The following QKI variants were observed in gnomAD, a reference collection of about 807,000 sequenced individuals.
QKI encodes the protein QKI, KH domain containing RNA binding.
Under a neutral mutation model 39.0 loss-of-function variants are expected in QKI, and 10 were observed. The ratio of observed to expected loss-of-function variants is 0.26; its 90% confidence interval spans 0.16 to 0.43. The LOEUF (loss-of-function observed/expected upper bound fraction) is 0.43, where lower values mean the gene tolerates loss of function less well. Among genes scored for constraint, QKI ranks in the 20% least tolerant of loss-of-function variants. The pLI is 1.00. For missense variants in QKI, 218 were observed against 428.0 expected (o/e 0.51, Z 4.33); for synonymous variants, 204 against 155.4 (o/e 1.31, Z -2.33).
intron 3 of QKI, among the ~76,000 whole-genome samples, chr6:163,530,128 A>G (rs1184172515): frequency 6.6e-6 from 1 of 152,246 alleles, no homozygotes; most frequent in Non-Finnish European, 1.5e-5. Context: ...AACAGACATT[A>G]TAGTAGTCAT....
chr6:163,484,137 T>G (rs1793291237), intron 3 of QKI, among the ~76,000 whole-genome samples: 1 of 152,150 alleles, frequency 6.6e-6, no homozygotes, highest in Non-Finnish European at 1.5e-5. Flanking sequence ...TCAATAAACC[T>G]TTCTCTGCTG....
At chr6:163,474,632 A>G (rs145006201) in intron 2 of QKI, among the ~76,000 whole-genome samples, 77 of 152,138 alleles carry the variant, frequency 5.1e-4, no homozygotes, top group Admixed American at 1.0e-3. Flanking sequence ...AAAAAGCTCT[A>G]CATTTTTGAG....
In QKI at chr6:163,434,575, C is replaced by T. The variant is rs145649861; in HGVS notation, c.142+19240C>T. On this transcript the variant is annotated intron_variant, in intron 1 of 7. Transcript: ENST00000361752. ...CTAAAAATACAAAAAATTAGCCGGG[C>T]GTGGTGGTGGGCGCCTGTAATCCCA... Among the ~76,000 whole-genome samples the T allele has an allele frequency of 6.5e-3, 993 of 151,810 alleles. 10 individuals are homozygous for T. Among genetic ancestry groups the T allele is most frequent in the African/African-American group, 0.022 (928 of 41,390 alleles).
chr6:163,494,686 G>A (rs1292758862), intron 3 of QKI, among the ~76,000 whole-genome samples: 6 of 150,976 alleles, frequency 4.0e-5, no homozygotes, highest in Non-Finnish European at 7.4e-5. Context: ...TGTTGTTATT[G>A]TTGTTTTTGT....
chr6:163,491,061 G>A (rs1778020962), intron 3 of QKI, among the ~76,000 whole-genome samples: 1 of 152,090 alleles, frequency 6.6e-6, no homozygotes, highest in South Asian at 2.1e-4. Context: ...ATGTGATATG[G>A]TGTTGAATTC....
At chr6:163,480,235 C>G (rs2128225844) in intron 3 of QKI, among the ~76,000 whole-genome samples, 1 of 151,978 alleles carries the variant, frequency 6.6e-6, no homozygotes, top group East Asian at 1.9e-4. Context: ...AAGGTTTGGT[C>G]TGTCTGTCTG....
At chr6:163,567,828 A>G in intron 7 of QKI, 1 of 985,058 alleles carries the variant, frequency 1.0e-6, no homozygotes, top group Non-Finnish European at 1.2e-6. Flanking sequence ...CTGGATTTGT[A>G]CTTCAATTGT....
intron 3 of QKI, among the ~76,000 whole-genome samples, chr6:163,493,168 G>A (rs1229685797): frequency 2.4e-5 from 3 of 126,308 alleles, no homozygotes; most frequent in Non-Finnish European, 4.8e-5. Flanking sequence ...TTTTGCTCTT[G>A]TCACTCAGGC....
chr6:163,526,294 T>C (rs1780512173), intron 3 of QKI, among the ~76,000 whole-genome samples: 1 of 152,342 alleles, frequency 6.6e-6, no homozygotes, highest in Admixed American at 6.5e-5. Context: ...TTTCCCCTGG[T>C]ATACTATCAG....
intron 1 of QKI, among the ~76,000 whole-genome samples, chr6:163,438,204 G>C (rs1396488857): frequency 2.0e-5 from 3 of 152,176 alleles, no homozygotes; most frequent in Non-Finnish European, 4.4e-5. Flanking sequence ...ACCATTTTCA[G>C]ATTTCAGATA....
chr6:163,441,992 C>G (rs1331537055), intron 1 of QKI, among the ~76,000 whole-genome samples: 2 of 152,142 alleles, frequency 1.3e-5, no homozygotes, highest in Non-Finnish European at 2.9e-5. Flanking sequence ...TTCTGGGCAT[C>G]CTTTTAGGGA....
At chr6:163,422,830 G>A (rs1788093806) in intron 1 of QKI, among the ~76,000 whole-genome samples, 1 of 152,184 alleles carries the variant, frequency 6.6e-6, no homozygotes, top group African/African-American at 2.4e-5. Context: ...TGCAGGAGAG[G>A]TCATTGTAGA....
At chr6:163,475,157 A>C (rs1179955780) in intron 2 of QKI, among the ~76,000 whole-genome samples, 1 of 152,184 alleles carries the variant, frequency 6.6e-6, no homozygotes, top group African/African-American at 2.4e-5. Context: ...ACCATAATTA[A>C]TACAGTATGA....
At chr6:163,561,032 A>G (rs1311263599) in intron 4 of QKI, among the ~76,000 whole-genome samples, 1 of 152,208 alleles carries the variant, frequency 6.6e-6, no homozygotes, top group Non-Finnish European at 1.5e-5. Flanking sequence ...ACAATAAATC[A>G]TATGGTGACC....
At chr6:163,503,434 ATTGT>A (rs1190168117) in intron 3 of QKI, among the ~76,000 whole-genome samples, 5 of 150,376 alleles carry the variant, frequency 3.3e-5, no homozygotes, top group African/African-American at 7.3e-5. Context: ...TGCTTGTTGA[ATTGT>A]TTAAGTTCCT....
chr6:163,501,463 A>G (rs561064303), intron 3 of QKI, among the ~76,000 whole-genome samples: 1 of 152,176 alleles, frequency 6.6e-6, no homozygotes, highest in Non-Finnish European at 1.5e-5. Flanking sequence ...AATCAAAACT[A>G]AGTGAACTGT....
intron 4 of QKI, among the ~76,000 whole-genome samples, chr6:163,551,377 A>G (rs1372008458): frequency 6.6e-6 from 1 of 152,244 alleles, no homozygotes; most frequent in African/African-American, 2.4e-5. Flanking sequence ...TTCAGGCACC[A>G]GTCACAAGTA....
chr6:163,440,060 CT>C (rs987283264), intron 1 of QKI, among the ~76,000 whole-genome samples: 6 of 152,084 alleles, frequency 3.9e-5, no homozygotes, highest in African/African-American at 1.2e-4. Context: ...ATACCATTTC[CT>C]TTCCCCCCTC....
intron 3 of QKI, among the ~76,000 whole-genome samples, chr6:163,511,380 G>A (rs1196327396): frequency 6.6e-6 from 1 of 151,912 alleles, no homozygotes; most frequent in Non-Finnish European, 1.5e-5. Context: ...TCTTGAAATA[G>A]AATACGGACA....
Sources: allele counts gnomAD v4.1 joint callset (sites outside exome capture counted in the v4.1 genomes callset), GRCh38; gene constraint gnomAD v4.1.1; transcripts MANE v1.5; gene names NCBI Gene and HGNC (gene_info 2026-07-23, HGNC 2026-07-21).